DCLK1: variants seen among roughly 807,000 people sequenced by gnomAD.
DCLK1 encodes the protein doublecortin like kinase 1, also known as serine/threonine-protein kinase DCLK1.
In DCLK1, 16 loss-of-function variants were observed where a neutral mutation model predicts 86.2. That is an observed-to-expected ratio of 0.19 (90% CI 0.13 to 0.28). The LOEUF is 0.28. DCLK1 is among the 10% of genes least tolerant of loss of function. The pLI, the probability that DCLK1 is intolerant of heterozygous loss-of-function variation, is 1.00. For synonymous variants in DCLK1, 369 were observed against 370.5 expected (o/e 1.00, Z 0.05); for missense variants, 590 against 940.2 (o/e 0.63, Z 4.87).
chr13:35,967,682 A>G (rs1050704406), intron 3 of DCLK1, among the ~76,000 whole-genome samples: 1 of 152,166 alleles, frequency 6.6e-6, no homozygotes, highest in African/African-American at 2.4e-5. Context: ...AGGGACACAA[A>G]CACTGCGGAA....
At chr13:35,970,226 G>A (rs888654230) in intron 3 of DCLK1, among the ~76,000 whole-genome samples, 7 of 151,958 alleles carry the variant, frequency 4.6e-5, no homozygotes, top group Admixed American at 1.3e-4. Flanking sequence ...TTTTCCATTC[G>A]TGGCTCCATC....
intron 10 of DCLK1, among the ~76,000 whole-genome samples, chr13:35,824,999 C>A (rs976705753): frequency 1.9e-4 from 29 of 152,318 alleles, no homozygotes; most frequent in African/African-American, 5.8e-4. Context: ...AGGCCCAGCT[C>A]CTCCACGAGG....
intron 1 of DCLK1, among the ~76,000 whole-genome samples, chr13:36,129,825 T>C (rs1185072551): frequency 6.6e-6 from 1 of 151,632 alleles, no homozygotes; most frequent in Non-Finnish European, 1.5e-5. Context: ...GCTTTTCCTA[T>C]AAATCCTGCC....
intron 16 of DCLK1, among the ~76,000 whole-genome samples, chr13:35,782,301 G>A (rs767343404): frequency 6.6e-6 from 1 of 152,054 alleles, no homozygotes; most frequent in Non-Finnish European, 1.5e-5. Flanking sequence ...TGGCGGTTGA[G>A]CTCAGGACAA....
chr13:35,799,250 G>GTT (rs1047137025), intron 15 of DCLK1, among the ~76,000 whole-genome samples: 1 of 149,336 alleles, frequency 6.7e-6, no homozygotes, highest in Admixed American at 6.7e-5. Context: ...AGCCTCAGTT[G>GTT]TTTTTTTTTT....
At position 35,810,932 on chromosome 13, in the gene DCLK1, G is replaced by A. The variant is rs1435652738; in HGVS notation, c.1591C>T (p.Leu531=). The change falls in exon 12 of 17, where the codon CTG becomes TTG. Residue 531 remains leucine, a synonymous_variant. Transcript: ENST00000360631. ...ATGGTGGCCAGTCCAAAGTCACCCA[G>A]CTTCAGTGATTTGCTGCCATCTTGG... ...EHQDGSKSLK[L]GDFGLATIVD... 3 of 1,613,950 alleles carry A rather than the reference G, an allele frequency of 1.9e-6. No homozygotes were observed. In the African/African-American group the frequency reaches 4.0e-5, roughly 22 times the overall value.
At chr13:35,800,558 G>A (rs1359698730) in intron 15 of DCLK1, among the ~76,000 whole-genome samples, 4 of 152,208 alleles carry the variant, frequency 2.6e-5, no homozygotes, top group Non-Finnish European at 5.9e-5. Flanking sequence ...AGCATGGTGG[G>A]ATTTGGACCC....
intron 4 of DCLK1, among the ~76,000 whole-genome samples, chr13:35,888,243 A>T (rs1446122643): frequency 6.6e-6 from 1 of 152,154 alleles, no homozygotes; most frequent in Non-Finnish European, 1.5e-5. Flanking sequence ...CCTTGGTTGT[A>T]TTGTTTAATT....
At chr13:36,126,236 T>TG in intron 1 of DCLK1, 80 bp from the exon 2 acceptor site, 1 of 1,214,104 alleles carries the variant, frequency 8.2e-7, no homozygotes. Flanking sequence ...TTTTTGTTTT[T>TG]TTTATGTTAG....
intron 3 of DCLK1, among the ~76,000 whole-genome samples, chr13:36,016,402 T>C (rs1180000102): frequency 2.0e-5 from 3 of 152,160 alleles, no homozygotes; most frequent in Non-Finnish European, 2.9e-5. Context: ...GGGGTCACCA[T>C]TAAAAGGAGC....
intron 3 of DCLK1, among the ~76,000 whole-genome samples, chr13:36,070,604 T>C (rs901863995): frequency 6.6e-6 from 1 of 151,942 alleles, no homozygotes; most frequent in African/African-American, 2.4e-5. Context: ...CCAGCTGTTA[T>C]GTATCATTTT....
intron 3 of DCLK1, among the ~76,000 whole-genome samples, chr13:36,027,099 T>C (rs1882068725): frequency 6.6e-6 from 1 of 152,222 alleles, no homozygotes; most frequent in African/African-American, 2.4e-5. Context: ...ATTTTCAATG[T>C]AGCATTATCC....
At chr13:36,061,690 G>A (rs1365672330) in intron 3 of DCLK1, among the ~76,000 whole-genome samples, 1 of 152,162 alleles carries the variant, frequency 6.6e-6, no homozygotes, top group East Asian at 1.9e-4. Flanking sequence ...GGAGTGAAAT[G>A]ACGAAGTGTG....
At chr13:35,946,300 A>G (rs1877379447) in intron 4 of DCLK1, among the ~76,000 whole-genome samples, 1 of 152,198 alleles carries the variant, frequency 6.6e-6, no homozygotes, top group Admixed American at 6.5e-5. Context: ...CACCATGCCC[A>G]TCCTCTAAGT....
At chr13:36,083,172 T>C (rs1165231648) in intron 3 of DCLK1, among the ~76,000 whole-genome samples, 3 of 152,176 alleles carry the variant, frequency 2.0e-5, no homozygotes, top group Non-Finnish European at 2.9e-5. Flanking sequence ...GAAAGCACCA[T>C]ATTAAAGTAG....
intron 3 of DCLK1, among the ~76,000 whole-genome samples, chr13:36,106,907 C>T (rs117319110): frequency 0.023 from 3,538 of 152,088 alleles, 49 homozygotes; most frequent in Non-Finnish European, 0.038. Context: ...CAAGAGTCGA[C>T]CAAATTATTT....
At chr13:35,812,109 C>T (rs954623908) in intron 11 of DCLK1, among the ~76,000 whole-genome samples, 1 of 152,142 alleles carries the variant, frequency 6.6e-6, no homozygotes, top group African/African-American at 2.4e-5. Context: ...GAAAAGGATG[C>T]ATGTGACTGT....
At chr13:35,791,561 G>A (rs1440259935) in intron 16 of DCLK1, among the ~76,000 whole-genome samples, 3 of 152,066 alleles carry the variant, frequency 2.0e-5, no homozygotes, top group Non-Finnish European at 2.9e-5. Context: ...TATGGATAAC[G>A]CTTCAGAATT....
chr13:35,925,786 A>G (rs928394786), intron 4 of DCLK1, among the ~76,000 whole-genome samples: 2 of 152,180 alleles, frequency 1.3e-5, no homozygotes, highest in African/African-American at 4.8e-5. Flanking sequence ...ATCAGTTTAC[A>G]TATACGGACT....
Sources: gnomAD v4.1 joint callset for allele counts (sites outside exome capture counted in the v4.1 genomes callset) on GRCh38, gnomAD v4.1.1 for gene constraint, MANE v1.5 for transcripts, NCBI Gene and HGNC (gene_info 2026-07-23, HGNC 2026-07-21) for gene names.